PTPRK: variants seen among roughly 807,000 people sequenced by gnomAD.
PTPRK encodes receptor-type tyrosine-protein phosphatase kappa.
In PTPRK, 75 loss-of-function variants were observed where a neutral mutation model predicts 178.0. The ratio of observed to expected loss-of-function variants is 0.42; its 90% CI spans 0.35 to 0.51. PTPRK has a LOEUF of 0.51. Ranked by LOEUF, PTPRK falls within the 20% of genes least tolerant of loss-of-function variation. The probability of loss-of-function intolerance (pLI) is 0.02; values close to 1 mark genes in which losing one functional copy is unlikely to be tolerated. For synonymous variants in PTPRK, 637 were observed against 620.6 expected, an observed-to-expected ratio of 1.03 and a Z score of -0.39; for missense variants, 1,441 against 1,797.8, an observed-to-expected ratio of 0.80 and a Z score of 3.59.
chr6:128,073,079 T>G (rs1562531939), intron 11 of PTPRK, among the ~76,000 whole-genome samples: 2 of 152,232 alleles, frequency 1.3e-5, no homozygotes, highest in South Asian at 2.1e-4. Context: ...TGATTTGATA[T>G]TATACTGTTA....
intron 1 of PTPRK, among the ~76,000 whole-genome samples, chr6:128,410,592 T>C (rs1842193011): frequency 6.6e-6 from 1 of 152,208 alleles, no homozygotes; most frequent in African/African-American, 2.4e-5. Context: ...CGGGCTGTGG[T>C]AACCTCCACA....
chr6:128,387,929 T>C (rs1243472005), intron 2 of PTPRK, among the ~76,000 whole-genome samples: 1 of 149,822 alleles, frequency 6.7e-6, no homozygotes, highest in East Asian at 2.0e-4. Flanking sequence ...ACACTAACAC[T>C]AACGACAGCT....
intron 7 of PTPRK, among the ~76,000 whole-genome samples, chr6:128,106,779 G>C (rs952293748): frequency 4.6e-5 from 7 of 152,066 alleles, no homozygotes; most frequent in African/African-American, 1.4e-4. Flanking sequence ...AAAAAGTTTA[G>C]TCGTTTATTT....
At chr6:128,149,934 G>T (rs1797026525) in intron 7 of PTPRK, among the ~76,000 whole-genome samples, 1 of 152,234 alleles carries the variant, frequency 6.6e-6, no homozygotes, top group East Asian at 1.9e-4. Context: ...GGGGAACAGT[G>T]TTCTGAGAGT....
chr6:128,315,528 C>T (rs1473906266), intron 3 of PTPRK, among the ~76,000 whole-genome samples: 2 of 152,104 alleles, frequency 1.3e-5, no homozygotes, highest in Middle Eastern at 3.4e-3. Flanking sequence ...TTTAAGAACA[C>T]CTTTTGAAAA....
intron 1 of PTPRK, among the ~76,000 whole-genome samples, chr6:128,451,027 G>A (rs1481382122): frequency 6.6e-6 from 1 of 152,114 alleles, no homozygotes; most frequent in African/African-American, 2.4e-5. Flanking sequence ...GAGTAAGCCT[G>A]TCACCTCAAG....
At position 128,363,766 on chromosome 6, in the gene PTPRK, T is replaced by C. The variant is rs574415501; in HGVS notation, c.223+33800A>G. Among the ~76,000 whole-genome samples, 6 of 152,270 alleles carry C rather than the reference T, an allele frequency of 3.9e-5. No homozygotes were observed. The East Asian group carries it at 1.2e-3, about 29-fold the overall frequency. ...AAAAATATTCTCAAAACAACTCAAA[T>C]AGTTTTTTAAACCCATCAAAAAGGA... On this transcript the variant is annotated intron_variant, in intron 2 of 29. Coordinates refer to ENST00000368226, the MANE Select transcript of PTPRK (RefSeq NM_002844.4).
chr6:128,113,296 T>C (rs1259626515), intron 7 of PTPRK, among the ~76,000 whole-genome samples: 2 of 151,740 alleles, frequency 1.3e-5, no homozygotes, highest in Admixed American at 6.6e-5. Context: ...GAAAGAATTA[T>C]ACCAGTGTTA....
At chr6:128,089,416 TA>T in intron 8 of PTPRK, among the ~76,000 whole-genome samples, 1 of 152,346 alleles carries the variant, frequency 6.6e-6, no homozygotes, top group East Asian at 1.9e-4. Context: ...ACATTTGATT[TA>T]AAAAACCCCT....
intron 15 of PTPRK, among the ~76,000 whole-genome samples, chr6:128,002,619 T>A (rs953810700): frequency 6.6e-6 from 1 of 151,966 alleles, no homozygotes; most frequent in Non-Finnish European, 1.5e-5. Flanking sequence ...GTAACCCAAG[T>A]AGCTTGTTCT....
chr6:128,344,279 C>T (rs764463307), intron 2 of PTPRK, among the ~76,000 whole-genome samples: 4 of 152,146 alleles, frequency 2.6e-5, no homozygotes, highest in Non-Finnish European at 4.4e-5. Flanking sequence ...CCACTTAATA[C>T]TGCTCCCACT....
intron 6 of PTPRK, among the ~76,000 whole-genome samples, chr6:128,216,970 ACAC>A (rs1180685057): frequency 3.9e-5 from 6 of 152,200 alleles, no homozygotes; most frequent in African/African-American, 1.4e-4. Context: ...CATTCTAGGT[ACAC>A]TATTAAGATA....
intron 7 of PTPRK, among the ~76,000 whole-genome samples, chr6:128,171,793 T>A (rs1161571053): frequency 1.3e-5 from 2 of 151,984 alleles, no homozygotes; most frequent in Non-Finnish European, 2.9e-5. Flanking sequence ...TTAGATCAAT[T>A]CTTGATGTTA....
At chr6:128,116,264 C>T (rs1791509564) in intron 7 of PTPRK, among the ~76,000 whole-genome samples, 1 of 152,060 alleles carries the variant, frequency 6.6e-6, no homozygotes, top group Non-Finnish European at 1.5e-5. Context: ...ATTTTCTATG[C>T]TTCTTATCTT....
intron 3 of PTPRK, among the ~76,000 whole-genome samples, chr6:128,287,439 G>A (rs1822685399): frequency 6.6e-6 from 1 of 152,160 alleles, no homozygotes; most frequent in Non-Finnish European, 1.5e-5. Context: ...AGCAAAAGCA[G>A]AGTTTCTCCC....
At chr6:128,081,422 T>C (rs1784797521) in intron 10 of PTPRK, among the ~76,000 whole-genome samples, 1 of 152,006 alleles carries the variant, frequency 6.6e-6, no homozygotes, top group Non-Finnish European at 1.5e-5. Flanking sequence ...AAGTTTGTAT[T>C]ATACTCAACA....
chr6:128,028,291 A>G (rs1774674907), intron 13 of PTPRK, among the ~76,000 whole-genome samples: 1 of 152,232 alleles, frequency 6.6e-6, no homozygotes, highest in African/African-American at 2.4e-5. Context: ...AGCAAAAGTG[A>G]TAACAGTTGC....
chr6:128,319,359 C>T (rs1828478765), intron 3 of PTPRK, among the ~76,000 whole-genome samples: 1 of 152,234 alleles, frequency 6.6e-6, no homozygotes, highest in South Asian at 2.1e-4. Context: ...GAGCAAACAT[C>T]TGATTTACAT....
At position 128,082,660 on chromosome 6, in the gene PTPRK, T is replaced by C. The variant is rs574024432; in HGVS notation, c.1576-22A>G. ...TGATCTGTTTTAAGAAATACATTTATTACATATCTAGTATCCATCATAAGA... is the reference window on the plus strand; with the variant it reads ...TGATCTGTTTTAAGAAATACATTTACTACATATCTAGTATCCATCATAAGA... On this transcript the variant is annotated intron_variant, in intron 9 of 29. Coordinates refer to ENST00000368226, the MANE Select transcript of PTPRK (RefSeq NM_002844.4). 106 of 1,528,180 alleles carry C rather than the reference T, an allele frequency of 6.9e-5. 1 individual carries two copies. The South Asian group carries it at 1.2e-3, about 17-fold the overall frequency. The allele number at this position is 1,528,180 out of a possible 1,614,324, so 94.7% of individuals were successfully genotyped here. A position where few individuals can be genotyped will look rare whatever the true frequency, so the allele number is the denominator to read the frequency against.
Sources: allele counts gnomAD v4.1 joint callset (sites outside exome capture counted in the v4.1 genomes callset), GRCh38; gene constraint gnomAD v4.1.1; transcripts MANE v1.5; gene names NCBI Gene and HGNC (gene_info 2026-07-23, HGNC 2026-07-21).